CCDC192: variants seen among roughly 807,000 people sequenced by gnomAD.
The protein encoded by CCDC192 is coiled-coil domain containing 192.
chr5:127,729,285 A>G (rs755858895), intron 2 of CCDC192, among the ~76,000 whole-genome samples: 1 of 152,222 alleles, frequency 6.6e-6, no homozygotes, highest in Non-Finnish European at 1.5e-5. Flanking sequence ...CATAATGGTA[A>G]AGGGTTTAAT....
intron 5 of CCDC192, among the ~76,000 whole-genome samples, chr5:127,873,393 A>G (rs531075433): frequency 6.6e-6 from 1 of 152,346 alleles, no homozygotes; most frequent in East Asian, 1.9e-4. Flanking sequence ...AAAAGTTGAA[A>G]TAATTATATA....
At chr5:127,927,422 G>A (rs1463492006) in intron 6 of CCDC192, among the ~76,000 whole-genome samples, 1 of 152,154 alleles carries the variant, frequency 6.6e-6, no homozygotes, top group South Asian at 2.1e-4. Context: ...GGCATCCACG[G>A]GGGGTCTTGG....
chr5:127,873,024 A>G (rs901532310), intron 5 of CCDC192, among the ~76,000 whole-genome samples: 1 of 152,206 alleles, frequency 6.6e-6, no homozygotes, highest in Non-Finnish European at 1.5e-5. Context: ...CTTAACTGAT[A>G]TTGAGAACCC....
At chr5:127,921,263 G>A (rs1352141961) in intron 6 of CCDC192, among the ~76,000 whole-genome samples, 1 of 151,564 alleles carries the variant, frequency 6.6e-6, no homozygotes, top group Non-Finnish European at 1.5e-5. Context: ...AGGAAGGTAA[G>A]AAAAGAAAAG....
Position 127,754,257 on chromosome 5 carries a change from T to A in CCDC192, c.115-11T>A, listed in dbSNP as rs184250943. On this transcript the variant is annotated splice_polypyrimidine_tract_variant and intron_variant, in intron 2 of 6. Transcript: ENST00000514853. ...GTCAAAAAGTAATACTTGATTTTTT[T>A]TTTTTTAAAGAAAGCGTCCCTGGAT... The A allele has an allele frequency of 3.4e-3, 1,338 of 398,714 alleles. 23 individuals carry two copies. The highest frequency in any genetic ancestry group is 0.025 in the African/African-American group (1,208 of 48,666). 24.7% of individuals were successfully genotyped at this position (398,714 alleles called of 1,614,324 possible).
At chr5:127,861,131 C>T (rs191152807) in intron 5 of CCDC192, among the ~76,000 whole-genome samples, 1 of 151,940 alleles carries the variant, frequency 6.6e-6, no homozygotes, top group Non-Finnish European at 1.5e-5. Flanking sequence ...TCCTCAGCCT[C>T]CCAAGTAGCT....
At chr5:127,781,466 G>A (rs1561484958) in intron 3 of CCDC192, among the ~76,000 whole-genome samples, 1 of 152,024 alleles carries the variant, frequency 6.6e-6, no homozygotes, top group East Asian at 1.9e-4. Context: ...CCATGAGCAT[G>A]GGATGTGTTT....
At chr5:127,901,269 G>T (rs983968241) in intron 6 of CCDC192, among the ~76,000 whole-genome samples, 5 of 151,914 alleles carry the variant, frequency 3.3e-5, no homozygotes, top group African/African-American at 1.2e-4. Context: ...GACATTGCTA[G>T]GTAATATCTT....
chr5:127,894,740 C>T (rs151851), intron 6 of CCDC192, among the ~76,000 whole-genome samples: 41,881 of 152,012 alleles, frequency 0.28, 5,999 homozygotes, highest in African/African-American at 0.34. Flanking sequence ...AAATAGCTGA[C>T]AAAAGTAAGA....
rs1177763058 is a variant in CCDC192 at position 127,753,297 on chromosome 5, G to A, written c.115-971G>A. ...TTTCTAATTATTAAGTATCACAATA[G>A]CAAAAGAGTAGTTAGGAAGTGCTCT... On this transcript the variant is annotated intron_variant, in intron 2 of 6. Coordinates refer to ENST00000514853, the MANE Select transcript of CCDC192 (RefSeq NM_001317938.2). 2.0e-5 allele frequency among the ~76,000 whole-genome samples: 3 copies of A among 152,290 alleles called. No individual in the cohort carries two copies. In the East Asian group the frequency reaches 5.8e-4, roughly 29 times the overall value.
At chr5:127,714,848 T>G (rs1751534304) in intron 2 of CCDC192, among the ~76,000 whole-genome samples, 1 of 152,254 alleles carries the variant, frequency 6.6e-6, no homozygotes, top group Non-Finnish European at 1.5e-5. Context: ...GATATCTTAT[T>G]GTGGTTTTGA....
At chr5:127,730,670 A>G (rs886586048) in intron 2 of CCDC192, among the ~76,000 whole-genome samples, 7 of 152,326 alleles carry the variant, frequency 4.6e-5, no homozygotes, top group African/African-American at 1.7e-4. Flanking sequence ...CTTATCCACT[A>G]TGATCAAGTC....
intron 2 of CCDC192, among the ~76,000 whole-genome samples, chr5:127,730,542 T>C (rs924406608): frequency 1.3e-5 from 2 of 152,140 alleles, no homozygotes; most frequent in Non-Finnish European, 2.9e-5. Context: ...ATTATCCTGA[T>C]ACCAAAACCT....
chr5:127,937,019 G>A (rs1754205677), intron 6 of CCDC192, among the ~76,000 whole-genome samples: 1 of 152,158 alleles, frequency 6.6e-6, no homozygotes, highest in South Asian at 2.1e-4. Context: ...AATACAAATA[G>A]GACTTGAGGC....
chr5:127,823,859 C>T (rs1281320401), intron 5 of CCDC192, among the ~76,000 whole-genome samples: 1 of 152,190 alleles, frequency 6.6e-6, no homozygotes, highest in African/African-American at 2.4e-5. Context: ...ACAAAAGAAT[C>T]ATTATTAATT....
At chr5:127,769,757 T>C (rs1561478248) in intron 3 of CCDC192, among the ~76,000 whole-genome samples, 1 of 152,176 alleles carries the variant, frequency 6.6e-6, no homozygotes, top group African/African-American at 2.4e-5. Context: ...AAATTGTATA[T>C]GGCATTTGGT....
intron 6 of CCDC192, among the ~76,000 whole-genome samples, chr5:127,876,707 A>T (rs991767775): frequency 6.6e-6 from 1 of 152,204 alleles, no homozygotes; most frequent in African/African-American, 2.4e-5. Flanking sequence ...TAATTGTGGA[A>T]AAAGAGGAGC....
Position 127,749,164 on chromosome 5 carries a change from T to A in CCDC192, c.115-5104T>A, listed in dbSNP as rs1009062995. Among the ~76,000 whole-genome samples the A allele has an allele frequency of 3.4e-3, 522 of 151,972 alleles. 1 individual carries two copies. The highest frequency in any genetic ancestry group is 6.1e-3 in the Admixed American group (93 of 15,276). ...CCAACACTATGTTGAATAGGAGTGG[T>A]GAGAGAGGGCATCCCTGTCTTGTCC... On this transcript the variant is annotated intron_variant, in intron 2 of 6. Transcript: ENST00000514853.
chr5:127,852,530 C>G (rs1199953168), intron 5 of CCDC192, among the ~76,000 whole-genome samples: 1 of 152,160 alleles, frequency 6.6e-6, no homozygotes, highest in Admixed American at 6.5e-5. Flanking sequence ...CCAGATATCT[C>G]CATCTCACGT....
Sources: allele counts gnomAD v4.1 joint callset (sites outside exome capture counted in the v4.1 genomes callset), GRCh38; gene constraint gnomAD v4.1.1; transcripts MANE v1.5; gene names NCBI Gene and HGNC (gene_info 2026-07-23, HGNC 2026-07-21).